Variants in LOXHD1 observed in about 807,000 individuals in gnomAD.
LOXHD1 encodes lipoxygenase homology PLAT domains 1.
LOXHD1 carries 205 observed loss-of-function variants against 248.2 expected under a neutral mutation model. The ratio of observed to expected loss-of-function variants is 0.83; its 90% CI spans 0.74 to 0.93. The LOEUF is 0.93. Ranked by LOEUF, LOXHD1 falls within the 40% of genes least tolerant of loss-of-function variation. The pLI is 0.00. For missense variants in LOXHD1, 2,930 were observed against 2,971.6 expected (o/e 0.99, Z 0.33); for synonymous variants, 1,113 against 1,162.8 (o/e 0.96, Z 0.87).
chr18:46,611,595 A>G (rs2038509334), intron 5 of LOXHD1, among the ~76,000 whole-genome samples: 1 of 152,124 alleles, frequency 6.6e-6, no homozygotes, highest in Admixed American at 6.5e-5. Flanking sequence ...CTAGGCACCA[A>G]TTTTTGCTGA....
At chr18:46,620,363 G>A (rs1269157203) in intron 4 of LOXHD1, among the ~76,000 whole-genome samples, 4 of 152,190 alleles carry the variant, frequency 2.6e-5, no homozygotes, top group African/African-American at 4.8e-5. Flanking sequence ...GGTGGTGGCC[G>A]GGGAATGTTC....
intron 31 of LOXHD1, among the ~76,000 whole-genome samples, chr18:46,522,943 CT>C (rs748254441): frequency 0.012 from 1,719 of 145,024 alleles, 8 homozygotes; most frequent in Non-Finnish European, 0.014. Flanking sequence ...CTGGGGAAAT[CT>C]TTTTTTTTTT....
Position 46,524,507 on chromosome 18 carries a change from G to C in LOXHD1, c.4835C>G (p.Thr1612Arg). The C allele has an allele frequency of 6.4e-7, 1 of 1,551,736 alleles. No individual in the cohort carries two copies. The highest frequency in any genetic ancestry group is 8.7e-7 in the Non-Finnish European group (1 of 1,147,000). The change falls in exon 31 of 41, where the codon ACA becomes AGA. Residue 1612 changes from threonine to arginine, a missense_variant. Transcript: ENST00000642948. ...SSKMADVDIS[T>R]VTGPMADYVQ... ...GTAGTCAGCCATGGGCCCGGTCACTGTGCTGATGTCGACATCGGCCATCTT... is the reference window on the plus strand; with the variant it reads ...GTAGTCAGCCATGGGCCCGGTCACTCTGCTGATGTCGACATCGGCCATCTT...
chr18:46,506,159 G>A (rs2034559247), intron 36 of LOXHD1, 136 bp from the exon 37 acceptor site: 2 of 882,586 alleles, frequency 2.3e-6, no homozygotes, highest in Non-Finnish European at 3.4e-6. Context: ...AAGGCCAGGG[G>A]TGAGGTTGGA....
rs1394276292 is a variant in LOXHD1, at chr18:46,610,923, C to T, written c.612G>A (p.Gly204=). 1 of 1,551,648 alleles carries T rather than the reference C, an allele frequency of 6.4e-7. No homozygotes were observed. The highest frequency in any genetic ancestry group is 1.4e-5 in the African/African-American group (1 of 73,032). ...CCTTTTCATTTTCTAGCCTACGCTC[C>T]CCTGTATGCACAGACATACAAAAGA... is the stretch of plus-strand genomic sequence containing the variant. The part of the protein sequence containing the change: ...INIFGEYGDT[G]ERRLENEKDN... The change falls in exon 6 of 41, where the codon GGG becomes GGA. Residue 204 remains glycine (G), a splice_region_variant and synonymous_variant. Transcript: ENST00000642948.
intron 19 of LOXHD1, 98 bp downstream of exon 19, chr18:46,559,985 A>C (rs2037477680): frequency 7.4e-7 from 1 of 1,356,292 alleles, no homozygotes; most frequent in Non-Finnish European, 1.0e-6. Flanking sequence ...TTTGGCCTCC[A>C]CGTGAGGGGG....
chr18:46,572,169 G>C lies in LOXHD1; in HGVS notation c.1971-7C>G. ...CTTATCCTTGTCCAACCACCTGGTG[G>C]GCAAATGGGGGAATGTTAGCTCTTT... On this transcript the variant is annotated splice_region_variant and splice_polypyrimidine_tract_variant and intron_variant, in intron 14 of 40. Coordinates refer to ENST00000642948, the MANE Select transcript of LOXHD1 (RefSeq NM_001384474.1). 2 of 1,551,610 alleles carry C rather than the reference G, an allele frequency of 1.3e-6. No homozygotes were observed. Among genetic ancestry groups the C allele is most frequent in the East Asian group, 2.4e-5 (1 of 40,918 alleles).
intron 21 of LOXHD1, 21 bp downstream of exon 21, chr18:46,557,335 G>T (rs1481975918): frequency 6.4e-7 from 1 of 1,551,240 alleles, no homozygotes; most frequent in African/African-American, 1.4e-5. Flanking sequence ...ACCCCTCCCT[G>T]CCCACTGCCC....
intron 28 of LOXHD1, among the ~76,000 whole-genome samples, chr18:46,532,689 G>A (rs913413435): frequency 3.3e-5 from 5 of 152,184 alleles, no homozygotes; most frequent in Admixed American, 2.6e-4. Flanking sequence ...CTAGAGCCAT[G>A]CCAAACTACT....
At chr18:46,515,720 T>C (rs1000819535) in intron 34 of LOXHD1, among the ~76,000 whole-genome samples, 5 of 152,298 alleles carry the variant, frequency 3.3e-5, no homozygotes, top group East Asian at 1.9e-4. Context: ...GTAAAGACTA[T>C]AGGAGACTGA....
chr18:46,592,428 G>A, intron 11 of LOXHD1, 70 bp downstream of exon 11: 2 of 1,258,454 alleles, frequency 1.6e-6, no homozygotes, highest in South Asian at 1.4e-5. Context: ...TATGTGACAG[G>A]GTCATTGAAA....
At chr18:46,639,506 G>A (rs1771237944) in intron 4 of LOXHD1, 110 bp downstream of exon 4, 4 of 1,307,058 alleles carry the variant, frequency 3.1e-6, no homozygotes, top group Non-Finnish European at 4.1e-6. Flanking sequence ...CTGGAGGCAT[G>A]CCAAGATGAG....
chr18:46,517,387 A>G (rs2035311061), intron 34 of LOXHD1, among the ~76,000 whole-genome samples: 1 of 152,136 alleles, frequency 6.6e-6, no homozygotes, highest in Non-Finnish European at 1.5e-5. Context: ...TGGGACTTTG[A>G]GCATATGACT....
At chr18:46,490,955 A>G (rs779870112) in intron 37 of LOXHD1, among the ~76,000 whole-genome samples, 2 of 152,180 alleles carry the variant, frequency 1.3e-5, no homozygotes, top group Non-Finnish European at 2.9e-5. Flanking sequence ...AGATTGAACT[A>G]CTTAGCAGCC....
At chr18:46,567,307 C>T (rs2037662157) in intron 16 of LOXHD1, among the ~76,000 whole-genome samples, 1 of 152,222 alleles carries the variant, frequency 6.6e-6, no homozygotes, top group Non-Finnish European at 1.5e-5. Flanking sequence ...TGCCAAAAGG[C>T]CAGATTTAGA....
intron 40 of LOXHD1, among the ~76,000 whole-genome samples, chr18:46,479,359 T>C (rs1360398748): frequency 6.6e-6 from 1 of 151,574 alleles, no homozygotes; most frequent in East Asian, 2.0e-4. Flanking sequence ...GAGAATGGTC[T>C]TGGACCAAGA....
intron 19 of LOXHD1, 23 bp from the exon 20 acceptor site, chr18:46,559,625 T>C: frequency 6.5e-7 from 1 of 1,550,082 alleles, no homozygotes; most frequent in Non-Finnish European, 8.7e-7. Context: ...AAAGATGCAG[T>C]GTGGAGGGCC....
chr18:46,588,823 C>T (rs1453408579), intron 12 of LOXHD1, among the ~76,000 whole-genome samples: 15 of 152,194 alleles, frequency 9.9e-5, no homozygotes, highest in Non-Finnish European at 1.8e-4. Flanking sequence ...ATCCTCCACC[C>T]ATCCACGTCA....
rs560611120 is a variant in LOXHD1 at position 46,557,364 on chromosome 18, G to A, written c.3342C>T (p.Asn1114=). 44 of 1,552,240 alleles carry A rather than the reference G, an allele frequency of 2.8e-5. 1 individual carries two copies. The South Asian group carries it at 3.0e-4, about 10-fold the overall frequency. ...LDRIDITDMN[N]EITYYFPCQR... is the part of the protein sequence containing the mutation. ...ACTGCCCCCACACTCACGTGATCTCGTTGTTCATGTCAGTAATGTCTATTC... is the reference window on the plus strand; with the variant it reads ...ACTGCCCCCACACTCACGTGATCTCATTGTTCATGTCAGTAATGTCTATTC... Residue 1114 remains asparagine (N), a synonymous_variant, in exon 21 of 41, where the codon AAC becomes AAT. Transcript: ENST00000642948.
Sources: gnomAD v4.1 joint callset for allele counts (sites outside exome capture counted in the v4.1 genomes callset) on GRCh38, gnomAD v4.1.1 for gene constraint, MANE v1.5 for transcripts, NCBI Gene and HGNC (gene_info 2026-07-23, HGNC 2026-07-21) for gene names.